Variants in AASDH observed in about 807,000 individuals in gnomAD.
AASDH encodes the protein aminoadipate-semialdehyde dehydrogenase.
AASDH carries 81 observed loss-of-function variants against 102.3 expected under a neutral mutation model. That is an observed-to-expected ratio of 0.79 (90% CI 0.66 to 0.95). The LOEUF is 0.95. Ranked by LOEUF, AASDH falls within the 40% of genes least tolerant of loss-of-function variation. The pLI, the probability that AASDH is intolerant of heterozygous loss-of-function variation, is 0.00. For missense variants in AASDH, 1,203 were observed against 1,266.2 expected (o/e 0.95, Z 0.76); for synonymous variants, 398 against 454.0 (o/e 0.88, Z 1.57).
In AASDH at chr4:56,349,590, C is replaced by T; in HGVS notation, c.2161G>A (p.Gly721Ser). 6.2e-7 allele frequency: 1 copy of T among 1,614,158 alleles called. No homozygotes were observed. The highest frequency in any genetic ancestry group is 8.5e-7 in the Non-Finnish European group (1 of 1,180,032). The part of the protein sequence containing the change: ...VSQTNIQNLK[G>S]LNSPVLIGKS... Reference sequence around the variant, plus strand: ...CCAATAAGAACTGGAGAATTTAAGCCTTTCAAATTTTGAATGTTGGTCTGT... The same window carrying T: ...CCAATAAGAACTGGAGAATTTAAGCTTTTCAAATTTTGAATGTTGGTCTGT... Residue 721 changes from glycine to serine, a missense_variant, in exon 11 of 15, where the codon GGC becomes AGC. Transcript: ENST00000205214.
chr4:56,371,791 A>G (rs1326705069), intron 4 of AASDH, 148 bp from the exon 5 acceptor site: 1 of 668,378 alleles, frequency 1.5e-6, no homozygotes, highest in African/African-American at 1.9e-5. Context: ...AAATGGTGCT[A>G]TCAAAATTCA....
At chr4:56,378,554 T>C in intron 3 of AASDH, 90 bp from the exon 4 acceptor site, 10 of 1,115,458 alleles carry the variant, frequency 9.0e-6, no homozygotes, top group Non-Finnish European at 1.3e-5. Flanking sequence ...CAGTCATCCC[T>C]CAGTATCCTT....
chr4:56,381,536 C>T (rs1197826738), intron 3 of AASDH, among the ~76,000 whole-genome samples: 1 of 151,762 alleles, frequency 6.6e-6, no homozygotes, highest in African/African-American at 2.4e-5. Flanking sequence ...TGAGATCGCA[C>T]CACTGCCCAT....
chr4:56,345,152 T>C lies in AASDH; in HGVS notation c.2627A>G (p.Gln876Arg). The change falls in exon 12 of 15, where the codon CAG becomes CGG. Residue 876 changes from glutamine to arginine, a missense_variant. Transcript: ENST00000205214. ...TGLIYIGSHD[Q>R]HAYALDIYRK... Reference sequence around the variant, plus strand: ...ATAAATATCTAAAGCATATGCGTGCTGGTCATGAGATCCAATGTAAATGAG... The same window carrying C: ...ATAAATATCTAAAGCATATGCGTGCCGGTCATGAGATCCAATGTAAATGAG... The C allele has an allele frequency of 6.2e-7, 1 of 1,614,104 alleles. No homozygotes were observed. The highest frequency in any genetic ancestry group is 8.5e-7 in the Non-Finnish European group (1 of 1,180,006).
At chr4:56,379,945 C>T (rs750881814) in intron 3 of AASDH, among the ~76,000 whole-genome samples, 2 of 152,100 alleles carry the variant, frequency 1.3e-5, no homozygotes, top group Non-Finnish European at 2.9e-5. Flanking sequence ...ACACTCAGCA[C>T]TAAGGAGTTT....
chr4:56,342,365 T>C (rs981758119), intron 14 of AASDH, among the ~76,000 whole-genome samples: 2 of 152,156 alleles, frequency 1.3e-5, no homozygotes, highest in Non-Finnish European at 2.9e-5. Flanking sequence ...CCTGACTTAA[T>C]CATTACACAG....
intron 3 of AASDH, chr4:56,382,264 C>A (rs892266453): frequency 2.3e-6 from 1 of 433,572 alleles, no homozygotes; most frequent in Non-Finnish European, 4.0e-6. Flanking sequence ...CTACTGAGGT[C>A]TAGCGAGTGG....
At chr4:56,347,240 T>C (rs1172292724) in intron 11 of AASDH, among the ~76,000 whole-genome samples, 1 of 152,164 alleles carries the variant, frequency 6.6e-6, no homozygotes, top group African/African-American at 2.4e-5. Flanking sequence ...CTTTATCACT[T>C]TGGGAAACAA....
At chr4:56,376,631 T>C (rs1320524455) in intron 4 of AASDH, among the ~76,000 whole-genome samples, 6 of 152,134 alleles carry the variant, frequency 3.9e-5, no homozygotes, top group Non-Finnish European at 5.9e-5. Context: ...CTAGTCCACG[T>C]TGAGATGTGT....
rs373595877 is a variant in AASDH, at chr4:56,376,894, C to A, written c.668+1254G>T. Among the ~76,000 whole-genome samples, 20 of 151,258 alleles carry A rather than the reference C, an allele frequency of 1.3e-4. No individual in the cohort carries two copies. The East Asian group carries it at 1.5e-3, about 12-fold the overall frequency. ...CATCCCGGCTAAAACAGTGAAACCCCGTCTCTACTAAAAATACAAAAAATT... is the reference window on the plus strand; with the variant it reads ...CATCCCGGCTAAAACAGTGAAACCCAGTCTCTACTAAAAATACAAAAAATT... On this transcript the variant is annotated intron_variant, in intron 4 of 14. Coordinates refer to ENST00000205214, the MANE Select transcript of AASDH (RefSeq NM_181806.4).
chr4:56,385,902 C>G (rs1393450677), intron 1 of AASDH, among the ~76,000 whole-genome samples: 2 of 151,252 alleles, frequency 1.3e-5, no homozygotes, highest in Non-Finnish European at 2.9e-5. Flanking sequence ...GCCACCGCGC[C>G]CGGCCGAGTC....
chr4:56,356,890 G>A lies in AASDH; in HGVS notation c.862-1467C>T, dbSNP rs572256955. The A allele has an allele frequency of 8.4e-4, 799 of 955,490 alleles. 4 individuals are homozygous for A. In the African/African-American group the frequency reaches 0.011, roughly 13 times the overall value. 59.2% of individuals were successfully genotyped at this position (955,490 alleles called of 1,614,324 possible). A position where few individuals can be genotyped will look rare whatever the true frequency, so the allele number is the denominator to read the frequency against. ...GTCTGTGGCTCGCATCGCCAAGCTC[G>A]AAAAGGCAAACGCTAAAGAACCTGC... On this transcript the variant is annotated intron_variant, in intron 5 of 14. Transcript: ENST00000205214.
chr4:56,355,986 A>G lies in AASDH; in HGVS notation c.862-563T>C, dbSNP rs1344621124. ...AAACTCAAGCAAAAATATTACTTAT[A>G]TTTCATCATACTGATTACACAAAAA... On this transcript the variant is annotated intron_variant, in intron 5 of 14. Coordinates refer to ENST00000205214, the MANE Select transcript of AASDH (RefSeq NM_181806.4). 5 of 414,740 alleles carry G rather than the reference A, an allele frequency of 1.2e-5. No individual in the cohort carries two copies. In the South Asian group the frequency reaches 2.2e-4, roughly 18 times the overall value. The allele number at this position is 414,740 out of a possible 1,614,324, so 25.7% of individuals were successfully genotyped here. A position where few individuals can be genotyped will look rare whatever the true frequency, so the allele number is the denominator to read the frequency against.
Position 56,384,247 on chromosome 4 carries a change from A to C in AASDH, c.53T>G (p.Val18Gly), listed in dbSNP as rs1560625173. Residue 18 changes from valine to glycine, a missense_variant, in exon 2 of 15, where the codon GTA (valine) becomes GGA (glycine). Coordinates refer to ENST00000205214, the MANE Select transcript of AASDH (RefSeq NM_181806.4). ...HKAASCYMDR[V>G]AVCFDECNNQ... ...GTTGCATTCATCAAAACATACAGCT[A>C]CTCTGTCCATATAACAGGAGGCAGC... 1 of 1,614,092 alleles carries C rather than the reference A, an allele frequency of 6.2e-7. No individual in the cohort carries two copies. Among genetic ancestry groups the C allele is most frequent in the Non-Finnish European group, 8.5e-7 (1 of 1,180,002 alleles).
intron 5 of AASDH, chr4:56,356,446 A>G: frequency 1.3e-6 from 2 of 1,579,922 alleles, no homozygotes; most frequent in South Asian, 2.2e-5. Context: ...TACAGACCAG[A>G]GACAAAGCAA....
intron 9 of AASDH, among the ~76,000 whole-genome samples, chr4:56,352,623 C>T (rs1207251183): frequency 6.6e-6 from 1 of 152,140 alleles, no homozygotes; most frequent in Non-Finnish European, 1.5e-5. Context: ...CTCAAACTCC[C>T]AACCTCAAGT....
intron 14 of AASDH, 25 bp downstream of exon 14, chr4:56,342,810 T>C: frequency 2.7e-6 from 3 of 1,105,462 alleles, no homozygotes; most frequent in Non-Finnish European, 3.5e-6. Context: ...AAAATGTATA[T>C]ATAAAAAATT....
rs1393452478 is a variant in AASDH at position 56,351,645 on chromosome 4, A to G, written c.1577-188T>C. Among the ~76,000 whole-genome samples, 8 of 152,300 alleles carry G rather than the reference A, an allele frequency of 5.3e-5. No homozygotes were observed. In the South Asian group the frequency reaches 1.7e-3, roughly 32 times the overall value. On this transcript the variant is annotated intron_variant, in intron 9 of 14. Coordinates refer to ENST00000205214, the MANE Select transcript of AASDH (RefSeq NM_181806.4). ...AAGAATATACAGAGAAATAGATGAGAAACAGGTCAGGCATAGTGGCTCAGT... is the reference window on the plus strand; with the variant it reads ...AAGAATATACAGAGAAATAGATGAGGAACAGGTCAGGCATAGTGGCTCAGT...
intron 4 of AASDH, among the ~76,000 whole-genome samples, chr4:56,374,358 ACT>A (rs1752095511): frequency 7.9e-6 from 1 of 125,892 alleles, no homozygotes; most frequent in Non-Finnish European, 1.6e-5. Context: ...ACAGAGTGAG[ACT>A]CTGTCTCAGA....
Sources: gnomAD v4.1 joint callset for allele counts (sites outside exome capture counted in the v4.1 genomes callset) on GRCh38, gnomAD v4.1.1 for gene constraint, MANE v1.5 for transcripts, NCBI Gene and HGNC (gene_info 2026-07-23, HGNC 2026-07-21) for gene names.